The following MAGI2 variants were observed in gnomAD, a reference collection of about 807,000 sequenced individuals.
MAGI2 encodes the protein membrane associated guanylate kinase, WW and PDZ domain containing 2.
A neutral mutation model predicts 133.3 loss-of-function variants in MAGI2; 35 were observed. That is an observed-to-expected ratio of 0.26 (90% CI 0.20 to 0.35). MAGI2 has a LOEUF of 0.35. Among genes scored for constraint, MAGI2 ranks in the 10% least tolerant of loss-of-function variants. MAGI2 has a pLI of 1.00. For missense variants in MAGI2, 1,636 were observed against 1,863.4 expected (o/e 0.88, Z 2.25); for synonymous variants, 729 against 710.6 (o/e 1.03, Z -0.41).
intron 1 of MAGI2, among the ~76,000 whole-genome samples, chr7:79,097,649 A>C (rs1194689117): frequency 6.6e-6 from 1 of 152,168 alleles, no homozygotes; most frequent in Non-Finnish European, 1.5e-5. Context: ...AGGCCAAGAG[A>C]AGTACTGCAT....
At chr7:79,182,005 T>A (rs993664087) in intron 1 of MAGI2, among the ~76,000 whole-genome samples, 10 of 151,982 alleles carry the variant, frequency 6.6e-5, no homozygotes, top group South Asian at 6.2e-4. Flanking sequence ...TTGTCCATAT[T>A]ATTATCAGCA....
intron 2 of MAGI2, among the ~76,000 whole-genome samples, chr7:78,746,629 T>C (rs1193328815): frequency 6.6e-6 from 1 of 152,234 alleles, no homozygotes; most frequent in African/African-American, 2.4e-5. Flanking sequence ...CCAACCAACC[T>C]ACATTTCATA....
chr7:79,059,238 T>A (rs1813479881), intron 1 of MAGI2, among the ~76,000 whole-genome samples: 1 of 152,086 alleles, frequency 6.6e-6, no homozygotes, highest in South Asian at 2.1e-4. Context: ...GTATTTTTAA[T>A]GATTTTTTAA....
rs1224137190 is a variant in MAGI2, at chr7:79,200,843, G to A, written c.302-193637C>T. Among the ~76,000 whole-genome samples, 3 of 151,886 alleles carry A rather than the reference G, an allele frequency of 2.0e-5. No homozygotes were observed. In the South Asian group the frequency reaches 6.2e-4, roughly 32 times the overall value. On this transcript the variant is annotated intron_variant, in intron 1 of 21. Coordinates refer to ENST00000354212, the MANE Select transcript of MAGI2 (RefSeq NM_012301.4). Reference sequence around the variant, plus strand: ...AGCTTCATTTACCACTACTTTTCCTGAGAAATGTATGTATTTTTCCAGCAT... The same window carrying A: ...AGCTTCATTTACCACTACTTTTCCTAAGAAATGTATGTATTTTTCCAGCAT...
At chr7:78,245,247 T>C (rs1216394254) in intron 10 of MAGI2, among the ~76,000 whole-genome samples, 1 of 152,200 alleles carries the variant, frequency 6.6e-6, no homozygotes. Context: ...GATATAAATG[T>C]AAAAAACAAA....
intron 2 of MAGI2, among the ~76,000 whole-genome samples, chr7:78,907,575 T>C: frequency 6.6e-6 from 1 of 152,326 alleles, no homozygotes; most frequent in Non-Finnish European, 1.5e-5. Flanking sequence ...TTTTGTATAC[T>C]AAATACAAGA....
intron 1 of MAGI2, among the ~76,000 whole-genome samples, chr7:79,247,477 G>C (rs1479260990): frequency 6.6e-6 from 1 of 151,976 alleles, no homozygotes; most frequent in Non-Finnish European, 1.5e-5. Context: ...GCCATGCATG[G>C]TGGCACGTAC....
At chr7:78,090,839 C>T (rs1032032054) in intron 20 of MAGI2, among the ~76,000 whole-genome samples, 9 of 152,208 alleles carry the variant, frequency 5.9e-5, no homozygotes, top group Non-Finnish European at 1.0e-4. Context: ...CTGAAATAAC[C>T]ATGCCTTTGT....
intron 16 of MAGI2, among the ~76,000 whole-genome samples, chr7:78,143,140 T>C (rs959364781): frequency 6.6e-6 from 1 of 152,218 alleles, no homozygotes. Context: ...ATTGTTCAAC[T>C]AGAGTAATTT....
chr7:78,124,576 C>T (rs751562790), intron 20 of MAGI2, among the ~76,000 whole-genome samples: 7 of 152,090 alleles, frequency 4.6e-5, no homozygotes, highest in Non-Finnish European at 7.3e-5. Context: ...TGAGGCTCTG[C>T]ACAAGAACCT....
At chr7:78,733,568 T>C (rs1221596082) in intron 2 of MAGI2, among the ~76,000 whole-genome samples, 2 of 152,180 alleles carry the variant, frequency 1.3e-5, no homozygotes, top group Non-Finnish European at 2.9e-5. Flanking sequence ...GTTAAATAAA[T>C]TCAGTGAAAT....
At chr7:79,247,536 C>T (rs933163861) in intron 1 of MAGI2, among the ~76,000 whole-genome samples, 1 of 152,018 alleles carries the variant, frequency 6.6e-6, no homozygotes, top group Non-Finnish European at 1.5e-5. Flanking sequence ...TGTCTTGAGC[C>T]TAAGAGATCG....
chr7:78,341,658 C>T (rs1790388472), intron 9 of MAGI2, among the ~76,000 whole-genome samples: 1 of 152,096 alleles, frequency 6.6e-6, no homozygotes, highest in Non-Finnish European at 1.5e-5. Context: ...AAACACCATA[C>T]ATCTACAAAC....
chr7:78,768,670 G>A (rs1322959805), intron 2 of MAGI2, among the ~76,000 whole-genome samples: 1 of 152,188 alleles, frequency 6.6e-6, no homozygotes, highest in African/African-American at 2.4e-5. Context: ...TTGTCCTAGT[G>A]TGGAGATGAC....
intron 1 of MAGI2, among the ~76,000 whole-genome samples, chr7:79,407,818 G>C (rs768521576): frequency 1.7e-4 from 25 of 151,502 alleles, no homozygotes; most frequent in Non-Finnish European, 8.8e-5. Context: ...AAAAACATTT[G>C]ACACAATACC....
chr7:79,221,335 G>T (rs992230558), intron 1 of MAGI2, among the ~76,000 whole-genome samples: 1 of 152,032 alleles, frequency 6.6e-6, no homozygotes, highest in Non-Finnish European at 1.5e-5. Context: ...CATTTAGGAA[G>T]AAACTGTCAT....
chr7:78,275,859 A>T (rs1442162583), intron 9 of MAGI2, among the ~76,000 whole-genome samples: 4 of 147,400 alleles, frequency 2.7e-5, no homozygotes, highest in Non-Finnish European at 4.4e-5. Context: ...GACTGTAAAT[A>T]AATCAGTTCT....
At chr7:78,661,277 A>AT (rs1348655398) in intron 2 of MAGI2, among the ~76,000 whole-genome samples, 1 of 152,032 alleles carries the variant, frequency 6.6e-6, no homozygotes, top group African/African-American at 2.4e-5. Flanking sequence ...AATCTTGTCT[A>AT]TTTTTATCAG....
intron 2 of MAGI2, among the ~76,000 whole-genome samples, chr7:78,939,160 A>G (rs1278780285): frequency 1.3e-5 from 2 of 151,778 alleles, no homozygotes; most frequent in Non-Finnish European, 2.9e-5. Flanking sequence ...CGCCTGGCTA[A>G]TGTTTGTATT....
Sources: allele counts gnomAD v4.1 joint callset (sites outside exome capture counted in the v4.1 genomes callset), GRCh38; gene constraint gnomAD v4.1.1; transcripts MANE v1.5; gene names NCBI Gene and HGNC (gene_info 2026-07-23, HGNC 2026-07-21).